Variants in CDS2 observed in about 807,000 individuals in gnomAD.
CDS2 encodes the protein phosphatidate cytidylyltransferase 2.
In CDS2, 47 loss-of-function variants were observed where a neutral mutation model predicts 59.0. The ratio of observed to expected loss-of-function variants is 0.80; its 90% CI spans 0.63 to 1.02. The LOEUF is 1.02. Ranked by LOEUF, CDS2 falls within the 50% of genes least tolerant of loss-of-function variation. The probability of loss-of-function intolerance (pLI) is 0.00; values close to 1 mark genes in which losing one functional copy is unlikely to be tolerated. For synonymous variants in CDS2, 207 were observed against 206.4 expected (o/e 1.00, Z -0.02); for missense variants, 356 against 558.9 (o/e 0.64, Z 3.66).
chr20:5,174,402 T>G (rs2090978986), intron 2 of CDS2, among the ~76,000 whole-genome samples: 1 of 152,186 alleles, frequency 6.6e-6, no homozygotes, highest in Non-Finnish European at 1.5e-5. Context: ...CGAAGTGTGT[T>G]GAGGATTGAA....
At chr20:5,177,594 G>A (rs2091003811) in intron 4 of CDS2, among the ~76,000 whole-genome samples, 1 of 152,198 alleles carries the variant, frequency 6.6e-6, no homozygotes, top group African/African-American at 2.4e-5. Context: ...GCACCATGCT[G>A]AGAGGACCTG....
chr20:5,172,689 A>T (rs940064169), intron 1 of CDS2, among the ~76,000 whole-genome samples: 1 of 152,206 alleles, frequency 6.6e-6, no homozygotes, highest in African/African-American at 2.4e-5. Flanking sequence ...CAGACCTTGC[A>T]GGGCTATACA....
intron 1 of CDS2, among the ~76,000 whole-genome samples, chr20:5,127,723 G>C (rs1054496980): frequency 2.0e-5 from 3 of 152,106 alleles, no homozygotes; most frequent in African/African-American, 7.2e-5. Flanking sequence ...CCCGGTTGAT[G>C]GGTTGTTTCC....
rs558713342 is a variant in CDS2 at position 5,191,494 on chromosome 20, T to C, written c.*1260T>C. The C allele has an allele frequency of 5.9e-5, 9 of 152,216 alleles. No homozygotes were observed. The highest frequency in any genetic ancestry group is 8.8e-5 in the Non-Finnish European group (6 of 68,044). The allele number at this position is 152,216 out of a possible 1,614,324, so 9.4% of individuals were successfully genotyped here. ...AGTTCTTTGTCAGGCCAACAAGTGATGGAGTGCGGGAGAGAGAACTTGGCA... is the reference window on the plus strand; with the variant it reads ...AGTTCTTTGTCAGGCCAACAAGTGACGGAGTGCGGGAGAGAGAACTTGGCA... On this transcript the variant is annotated 3_prime_UTR_variant, in exon 13 of 13. Transcript: ENST00000460006.
At chr20:5,161,507 T>C (rs1308233828) in intron 1 of CDS2, among the ~76,000 whole-genome samples, 1 of 152,236 alleles carries the variant, frequency 6.6e-6, no homozygotes, top group Non-Finnish European at 1.5e-5. Context: ...AATCAATTGA[T>C]AACTGACACA....
chr20:5,137,378 G>C (rs1166107273), intron 1 of CDS2, among the ~76,000 whole-genome samples: 4 of 151,440 alleles, frequency 2.6e-5, no homozygotes, highest in Non-Finnish European at 4.4e-5. Context: ...CTAGTAGCTG[G>C]GACAACAGGT....
Position 5,193,031 on chromosome 20 carries a change from T to A in CDS2, c.*2797T>A, listed in dbSNP as rs982591776. The A allele has an allele frequency of 1.3e-5, 2 of 152,256 alleles. No individual in the cohort carries two copies. Among genetic ancestry groups the A allele is most frequent in the Non-Finnish European group, 2.9e-5 (2 of 68,062 alleles). 9.4% of individuals were successfully genotyped at this position (152,256 alleles called of 1,614,324 possible). A position where few individuals can be genotyped will look rare whatever the true frequency, so the allele number is the denominator to read the frequency against. ...TCAGGAGGCCTGGCCTGAGCCAGGT[T>A]GGAGCTTAAATTGCTGTTGGCTCCT... On this transcript the variant is annotated 3_prime_UTR_variant, in exon 13 of 13. Transcript: ENST00000460006.
At chr20:5,140,628 T>C (rs1025228288) in intron 1 of CDS2, among the ~76,000 whole-genome samples, 2 of 152,234 alleles carry the variant, frequency 1.3e-5, no homozygotes, top group African/African-American at 4.8e-5. Context: ...TTACAAATTG[T>C]GTCTTAGAGC....
In CDS2 at chr20:5,193,770, A is replaced by C. The variant is rs374812206; in HGVS notation, c.*3536A>C. ...CAGGGGTCTTGTTAGTTACAAAGCC[A>C]GTCCTAGTTGCATGTCCAAGGGGGT... is the stretch of plus-strand genomic sequence containing the variant. On this transcript the variant is annotated 3_prime_UTR_variant, in exon 13 of 13. Coordinates refer to ENST00000460006, the MANE Select transcript of CDS2 (RefSeq NM_003818.4). 10 of 152,260 alleles carry C rather than the reference A, an allele frequency of 6.6e-5. No individual in the cohort carries two copies. The highest frequency in any genetic ancestry group is 1.9e-4 in the African/African-American group (8 of 41,466). The allele number at this position is 152,260 out of a possible 1,614,324, so 9.4% of individuals were successfully genotyped here.
chr20:5,189,655 GACAT>G lies in CDS2; in HGVS notation c.1102-79_1102-76del, dbSNP rs548775665. ...CCTCAGCTACTCAGCACAGAAGCCT[GACAT>G]TGGGGTGGGACCATTAGGCTGGGAT... On this transcript the variant is annotated intron_variant, in intron 11 of 12. Transcript: ENST00000460006. 1,562 of 997,384 alleles carry G rather than the reference GACAT, an allele frequency of 1.6e-3. 18 individuals carry two copies. In the African/African-American group the frequency reaches 0.023, roughly 15 times the overall value. 61.8% of individuals were successfully genotyped at this position (997,384 alleles called of 1,614,324 possible). A position where few individuals can be genotyped will look rare whatever the true frequency, so the allele number is the denominator to read the frequency against.
intron 1 of CDS2, among the ~76,000 whole-genome samples, chr20:5,142,405 C>G (rs1192287945): frequency 1.3e-5 from 2 of 151,924 alleles, no homozygotes; most frequent in Non-Finnish European, 2.9e-5. Context: ...CAAGATCACG[C>G]CACTGCATTC....
At chr20:5,153,032 G>C (rs997090502) in intron 1 of CDS2, among the ~76,000 whole-genome samples, 1 of 152,112 alleles carries the variant, frequency 6.6e-6, no homozygotes, top group Non-Finnish European at 1.5e-5. Context: ...AATAATAGCC[G>C]GCTTTTGTGT....
intron 1 of CDS2, among the ~76,000 whole-genome samples, chr20:5,152,283 C>A (rs117564248): frequency 6.6e-6 from 1 of 152,062 alleles, no homozygotes; most frequent in African/African-American, 2.4e-5. Context: ...AAGAATCCCA[C>A]CCTTTTGTTT....
At chr20:5,152,158 A>G (rs1013393325) in intron 1 of CDS2, among the ~76,000 whole-genome samples, 1 of 151,916 alleles carries the variant, frequency 6.6e-6, no homozygotes, top group Non-Finnish European at 1.5e-5. Flanking sequence ...TGATACAAGT[A>G]TATTTTTGTT....
At chr20:5,136,377 C>T (rs1043405624) in intron 1 of CDS2, among the ~76,000 whole-genome samples, 2 of 152,210 alleles carry the variant, frequency 1.3e-5, no homozygotes, top group Non-Finnish European at 2.9e-5. Context: ...GTGCCCAGGG[C>T]AGGATGCAGA....
At chr20:5,161,963 A>G (rs1252948124) in intron 1 of CDS2, among the ~76,000 whole-genome samples, 1 of 152,218 alleles carries the variant, frequency 6.6e-6, no homozygotes, top group African/African-American at 2.4e-5. Flanking sequence ...TGCTTGTACC[A>G]TCTTGGGTCA....
chr20:5,171,302 A>G (rs1225868618), intron 1 of CDS2, among the ~76,000 whole-genome samples: 1 of 152,184 alleles, frequency 6.6e-6, no homozygotes, highest in Non-Finnish European at 1.5e-5. Flanking sequence ...TCTCCTTGAC[A>G]ACAGGATGGA....
At chr20:5,141,649 G>C (rs1022862704) in intron 1 of CDS2, among the ~76,000 whole-genome samples, 9 of 152,136 alleles carry the variant, frequency 5.9e-5, no homozygotes, top group Non-Finnish European at 1.2e-4. Context: ...GGGGACTCCA[G>C]CTTGAAACTG....
At chr20:5,157,786 G>A (rs769600664) in intron 1 of CDS2, among the ~76,000 whole-genome samples, 29 of 152,134 alleles carry the variant, frequency 1.9e-4, no homozygotes, top group Non-Finnish European at 3.7e-4. Flanking sequence ...CCTTCCAGTA[G>A]CTCCATCTTC....
Sources: allele counts gnomAD v4.1 joint callset (sites outside exome capture counted in the v4.1 genomes callset), GRCh38; gene constraint gnomAD v4.1.1; transcripts MANE v1.5; gene names NCBI Gene and HGNC (gene_info 2026-07-23, HGNC 2026-07-21).